NIN: variants seen among roughly 807,000 people sequenced by gnomAD.
NIN encodes glycogen synthase kinase 3 beta-interacting protein.
In NIN, 137 loss-of-function variants were observed where a neutral mutation model predicts 257.6. That is an observed-to-expected ratio of 0.53 (90% CI 0.46 to 0.61). The LOEUF (loss-of-function observed/expected upper bound fraction) is 0.61, where lower values mean the gene tolerates loss of function less well. Ranked by LOEUF, NIN falls within the 20% of genes least tolerant of loss-of-function variation. The pLI, the probability that NIN is intolerant of heterozygous loss-of-function variation, is 0.00. For missense variants in NIN, 2,439 were observed against 2,501.2 expected (o/e 0.98, Z 0.53); for synonymous variants, 918 against 919.8 (o/e 1.00, Z 0.04).
In NIN at chr14:50,744,306, G is replaced by A. The variant is rs1197578782; in HGVS notation, c.5124C>T (p.Tyr1708=). The change falls in exon 23 of 31, where the codon TAC becomes TAT. Residue 1708 remains tyrosine (Y), a synonymous_variant. Transcript: ENST00000530997. ...CCTTTTCTTTCAGCAGTTTTTCGTT[G>A]TAGCTTAGAACACTAGAGATTTTTT... The part of the protein sequence containing the change: ...FQQKISSVLS[Y]NEKLLKEKEA... The A allele has an allele frequency of 6.2e-7, 1 of 1,614,062 alleles. No homozygotes were observed. Among genetic ancestry groups the A allele is most frequent in the Admixed American group, 1.7e-5 (1 of 60,010 alleles).
chr14:50,742,845 C>A (rs1158213941), intron 24 of NIN, among the ~76,000 whole-genome samples: 3 of 152,154 alleles, frequency 2.0e-5, no homozygotes, highest in Non-Finnish European at 2.9e-5. Context: ...AAATTAGGAA[C>A]AAGCAGTCAT....
intron 24 of NIN, 175 bp from the exon 25 acceptor site, chr14:50,741,903 G>A (rs545716349): frequency 5.3e-6 from 3 of 568,104 alleles, no homozygotes; most frequent in Non-Finnish European, 9.1e-6. Flanking sequence ...ATATTTACAG[G>A]ATGTTAAATT....
At chr14:50,739,833 G>A (rs907157549) in intron 25 of NIN, among the ~76,000 whole-genome samples, 5 of 152,182 alleles carry the variant, frequency 3.3e-5, no homozygotes, top group Non-Finnish European at 7.3e-5. Context: ...TCATTCTTAC[G>A]AAGTTATCTT....
intron 27 of NIN, 111 bp downstream of exon 27, chr14:50,738,029 C>CA: frequency 9.1e-7 from 1 of 1,101,366 alleles, no homozygotes; most frequent in Non-Finnish European, 1.3e-6. Flanking sequence ...AGATACATGC[C>CA]AAAATATGCC....
chr14:50,812,067 T>G (rs772699591), intron 3 of NIN, among the ~76,000 whole-genome samples: 3 of 152,010 alleles, frequency 2.0e-5, no homozygotes, highest in Non-Finnish European at 2.9e-5. Context: ...TTGCAGTGAG[T>G]TGAGATCACG....
chr14:50,741,522 C>T, intron 25 of NIN, 60 bp downstream of exon 25: 3 of 1,111,656 alleles, frequency 2.7e-6, no homozygotes, highest in Non-Finnish European at 3.9e-6. Flanking sequence ...CCAAGTTGTC[C>T]TAAGATTTGT....
In NIN at chr14:50,723,398, G is replaced by A. The variant is rs577237533; in HGVS notation, c.*65C>T. The A allele has an allele frequency of 2.5e-3, 3,489 of 1,397,058 alleles. 3 individuals are homozygous for A. Among genetic ancestry groups the A allele is most frequent in the Non-Finnish European group, 3.2e-3 (3,143 of 997,532 alleles). The allele number at this position is 1,397,058 out of a possible 1,614,324, so 86.5% of individuals were successfully genotyped here. On this transcript the variant is annotated 3_prime_UTR_variant, in exon 31 of 31. Coordinates refer to ENST00000530997, the MANE Select transcript of NIN (RefSeq NM_020921.4). ...TAGGTTAGGCTTAATTTTAAGTTGA[G>A]AACCTACTGAAATGTTCATCTATTT...
chr14:50,800,724 C>G (rs1278105682), intron 4 of NIN, among the ~76,000 whole-genome samples: 1 of 151,740 alleles, frequency 6.6e-6, no homozygotes, highest in East Asian at 1.9e-4. Flanking sequence ...ATCCTAATAT[C>G]CTCTTTTGTT....
At chr14:50,759,422 AT>A (rs1171256163) in intron 17 of NIN, among the ~76,000 whole-genome samples, 4 of 152,262 alleles carry the variant, frequency 2.6e-5, no homozygotes, top group Admixed American at 2.6e-4. Context: ...CAGTAAAAAA[AT>A]ATTTAAAAGA....
In NIN at chr14:50,821,922, C is replaced by T. The variant is rs2045241313; in HGVS notation, c.135G>A (p.Val45=). The T allele has an allele frequency of 6.2e-7, 1 of 1,614,058 alleles. No individual in the cohort carries two copies. The highest frequency in any genetic ancestry group is 8.5e-7 in the Non-Finnish European group (1 of 1,180,046). The change falls in exon 3 of 31, where the codon GTG becomes GTA. Residue 45 remains valine, a synonymous_variant. Coordinates refer to ENST00000530997, the MANE Select transcript of NIN (RefSeq NM_020921.4). The stretch of plus-strand genomic sequence containing the variant: ...GTAATGTCTGCTGCAGCACTGGGGC[C>T]ACCTCCTCCAAGCTCAACATGTGGC... ...DLCHMLSLEE[V]APVLQQTLLQ... is the part of the protein sequence containing the mutation.
At chr14:50,723,784 AATTAT>A in intron 30 of NIN, 112 bp from the exon 31 acceptor site, 3 of 815,380 alleles carry the variant, frequency 3.7e-6, no homozygotes, top group Non-Finnish European at 5.9e-6. Context: ...CACTTCGTCT[AATTAT>A]ATTCTTTTAT....
intron 22 of NIN, among the ~76,000 whole-genome samples, chr14:50,746,799 G>A (rs1353776572): frequency 2.0e-5 from 3 of 152,190 alleles, no homozygotes; most frequent in Non-Finnish European, 4.4e-5. Flanking sequence ...CTCCATGAGA[G>A]GACATAATTT....
At chr14:50,774,459 T>C (rs2042846096) in intron 7 of NIN, among the ~76,000 whole-genome samples, 2 of 152,156 alleles carry the variant, frequency 1.3e-5, no homozygotes, top group African/African-American at 2.4e-5. Flanking sequence ...AGAAAACCAT[T>C]CTAAAGAGTG....
intron 20 of NIN, among the ~76,000 whole-genome samples, chr14:50,754,257 C>T (rs1358864835): frequency 1.3e-5 from 2 of 152,214 alleles, no homozygotes; most frequent in East Asian, 3.8e-4. Flanking sequence ...TTAACTGAAA[C>T]TGCACAAGGG....
intron 2 of NIN, among the ~76,000 whole-genome samples, chr14:50,829,661 A>G (rs2045610412): frequency 6.6e-6 from 1 of 152,258 alleles, no homozygotes. Flanking sequence ...AGGAGCAGAA[A>G]GCAGATCTCA....
chr14:50,777,191 G>A (rs775213612), intron 6 of NIN, 52 bp from the exon 7 acceptor site: 1 of 1,383,836 alleles, frequency 7.2e-7, no homozygotes, highest in Non-Finnish European at 9.8e-7. Context: ...CAAAGAGAGA[G>A]TGCCTATTCT....
At chr14:50,767,602 G>T (rs962656628) in intron 12 of NIN, among the ~76,000 whole-genome samples, 1 of 152,156 alleles carries the variant, frequency 6.6e-6, no homozygotes, top group Non-Finnish European at 1.5e-5. Context: ...CGGATCATGA[G>T]GTCAGGAGAT....
intron 20 of NIN, 76 bp downstream of exon 20, chr14:50,754,487 T>G: frequency 2.6e-6 from 3 of 1,170,750 alleles, no homozygotes; most frequent in Non-Finnish European, 3.7e-6. Flanking sequence ...TACCGTGTGC[T>G]GTAAATTTAT....
In NIN at chr14:50,758,601, C is replaced by A. The variant is rs1396409325; in HGVS notation, c.2429G>T (p.Arg810Ile). ...AAACTGGGCTTCTATTTGAGAGGTT[C>A]TTCTATTACACTCTGTTTCCATTTT... ...REKMETECNR[R>I]TSQIEAQFQS... Residue 810 changes from arginine (R) to isoleucine (I), a missense_variant, in exon 18 of 31, where the codon AGA becomes ATA. By Grantham distance (97) the Arg-to-Ile change is moderately conservative. This residue lies in a region of NIN where 2,043 missense variants were observed against 2,050.2 expected (regional missense o/e 1.00). Coordinates refer to ENST00000530997, the MANE Select transcript of NIN (RefSeq NM_020921.4). The A allele has an allele frequency of 5.7e-6, 9 of 1,589,460 alleles. No homozygotes were observed. The highest frequency in any genetic ancestry group is 7.7e-6 in the Non-Finnish European group (9 of 1,169,610).
Sources: allele counts gnomAD v4.1 joint callset (sites outside exome capture counted in the v4.1 genomes callset), GRCh38; gene constraint gnomAD v4.1.1; regional missense constraint gnomAD v4.1.1; transcripts MANE v1.5; gene names NCBI Gene and HGNC (gene_info 2026-07-23, HGNC 2026-07-21).